Variants in ADH6 observed in about 807,000 individuals in gnomAD.
ADH6 encodes alcohol dehydrogenase 6 (class V).
ADH6 carries 34 observed loss-of-function variants against 36.5 expected under a neutral mutation model. The ratio of observed to expected loss-of-function variants is 0.93; its 90% confidence interval spans 0.71 to 1.24. ADH6 has a LOEUF of 1.24. ADH6 is among the 50% of genes most tolerant of loss of function. The pLI, the probability that ADH6 is intolerant of heterozygous loss-of-function variation, is 0.00. For missense variants in ADH6, 440 were observed against 447.0 expected (o/e 0.98, Z 0.14); for synonymous variants, 161 against 155.5 (o/e 1.04, Z -0.26).
At chr4:99,209,684 A>T (rs1429624348) in intron 5 of ADH6, among the ~76,000 whole-genome samples, 1 of 152,132 alleles carries the variant, frequency 6.6e-6, no homozygotes, top group Non-Finnish European at 1.5e-5. Context: ...ATGCAATATA[A>T]TATTAGCTTC....
intron 1 of ADH6, among the ~76,000 whole-genome samples, chr4:99,218,275 C>T (rs759467174): frequency 4.6e-5 from 7 of 152,114 alleles, no homozygotes; most frequent in Admixed American, 6.5e-5. Flanking sequence ...AGCAGCCATG[C>T]GATGTGTTCA....
At chr4:99,215,028 A>G (rs28720139) in intron 2 of ADH6, among the ~76,000 whole-genome samples, 21,291 of 152,214 alleles carry the variant, frequency 0.14, 1,678 homozygotes, top group Non-Finnish European at 0.18. Flanking sequence ...ATTGCCTACC[A>G]TCACTTACTC....
chr4:99,211,296 C>T (rs561479375), intron 3 of ADH6, among the ~76,000 whole-genome samples: 34 of 152,126 alleles, frequency 2.2e-4, no homozygotes, highest in Admixed American at 6.5e-4. Flanking sequence ...GCACTGTAAC[C>T]CCTTTAAAAA....
intron 8 of ADH6, 93 bp from the exon 9 acceptor site, chr4:99,204,336 C>T: frequency 1.3e-6 from 2 of 1,526,720 alleles, no homozygotes; most frequent in Middle Eastern, 2.1e-4. Context: ...GAGCAGTAAA[C>T]TAGATTTTTT....
In ADH6 at chr4:99,202,985, T is replaced by G. The variant is rs1176321395; in HGVS notation, c.*1234A>C. On this transcript the variant is annotated 3_prime_UTR_variant, in exon 9 of 9. Coordinates refer to ENST00000394899, the MANE Select transcript of ADH6 (RefSeq NM_001102470.2). Reference sequence around the variant, plus strand: ...CCAACTCATAAGAATCAGACTGTTATGAGAGTCCTTTGATATCATGTGAAA... The same window carrying G: ...CCAACTCATAAGAATCAGACTGTTAGGAGAGTCCTTTGATATCATGTGAAA... 2.5e-6 allele frequency: 1 copy of G among 393,668 alleles called. No individual in the cohort carries two copies. Among genetic ancestry groups the G allele is most frequent in the East Asian group, 3.6e-5 (1 of 27,914 alleles). 24.4% of individuals were successfully genotyped at this position (393,668 alleles called of 1,614,324 possible). A position where few individuals can be genotyped will look rare whatever the true frequency, so the allele number is the denominator to read the frequency against.
chr4:99,213,938 A>G (rs1186491849), intron 2 of ADH6, among the ~76,000 whole-genome samples, 191 bp from the exon 3 acceptor site: 1 of 152,222 alleles, frequency 6.6e-6, no homozygotes, highest in East Asian at 1.9e-4. Flanking sequence ...TCATTAGCTG[A>G]TTTCAGAATC....
chr4:99,212,365 A>C (rs1731255248), intron 3 of ADH6, among the ~76,000 whole-genome samples: 1 of 152,040 alleles, frequency 6.6e-6, no homozygotes, highest in Admixed American at 6.6e-5. Flanking sequence ...TTTTATCGTA[A>C]ATTGACAAAT....
intron 2 of ADH6, among the ~76,000 whole-genome samples, chr4:99,214,251 G>T (rs1276494708): frequency 1.3e-5 from 2 of 152,086 alleles, no homozygotes; most frequent in Non-Finnish European, 2.9e-5. Context: ...AATTAGCCAG[G>T]CATGGTTGCA....
At position 99,204,035 on chromosome 4, in the gene ADH6, A is replaced by T; in HGVS notation, c.*184T>A. The T allele has an allele frequency of 1.6e-6, 1 of 626,582 alleles. No homozygotes were observed. Among genetic ancestry groups the T allele is most frequent in the Non-Finnish European group, 2.5e-6 (1 of 396,908 alleles). 38.8% of individuals were successfully genotyped at this position (626,582 alleles called of 1,614,324 possible). On this transcript the variant is annotated 3_prime_UTR_variant, in exon 9 of 9. Coordinates refer to ENST00000394899, the MANE Select transcript of ADH6 (RefSeq NM_001102470.2). The stretch of plus-strand genomic sequence containing the variant: ...GGCTGATCCTTGGTGACACTGGGTT[A>T]CGTAAGAACAATTTTGATGAAATGG...
chr4:99,204,846 CCTT>C lies in ADH6; in HGVS notation c.1103+76_1103+78del, dbSNP rs28720162. 1.0e-3 allele frequency: 1,535 copies of C among 1,499,684 alleles called. 17 individuals carry two copies. In the African/African-American group the frequency reaches 0.019, roughly 19 times the overall value. The allele number at this position is 1,499,684 out of a possible 1,614,324, so 92.9% of individuals were successfully genotyped here. ...ATACAGCTTCTGCAGCAGGGACGACCCTTCTTCTACTCCCAAGCCAATACACCC... is the reference window on the plus strand; with the variant it reads ...ATACAGCTTCTGCAGCAGGGACGACCCTTCTACTCCCAAGCCAATACACCC... On this transcript the variant is annotated intron_variant, in intron 8 of 8. Coordinates refer to ENST00000394899, the MANE Select transcript of ADH6 (RefSeq NM_001102470.2).
chr4:99,209,340 T>A (rs1219916100), intron 5 of ADH6, among the ~76,000 whole-genome samples: 3 of 152,106 alleles, frequency 2.0e-5, no homozygotes, highest in African/African-American at 7.2e-5. Context: ...TCATAACTTA[T>A]CGGGTCAATA....
intron 2 of ADH6, among the ~76,000 whole-genome samples, chr4:99,214,437 G>A (rs1004343728): frequency 1.3e-5 from 2 of 152,014 alleles, no homozygotes; most frequent in Non-Finnish European, 2.9e-5. Flanking sequence ...GGAGGCAAAG[G>A]AATAATGTTT....
intron 1 of ADH6, among the ~76,000 whole-genome samples, chr4:99,217,129 G>C (rs1240603965): frequency 6.6e-6 from 1 of 152,044 alleles, no homozygotes; most frequent in East Asian, 1.9e-4. Context: ...TCCGCCTTCC[G>C]GGTTCATGCC....
chr4:99,218,179 A>G (rs546420677), intron 1 of ADH6, among the ~76,000 whole-genome samples: 1 of 152,190 alleles, frequency 6.6e-6, no homozygotes, highest in South Asian at 2.1e-4. Flanking sequence ...ACATATCATT[A>G]TTTCTTCTTC....
chr4:99,202,791 C>G lies in ADH6; in HGVS notation c.*1428G>C. The G allele has an allele frequency of 2.5e-6, 1 of 398,102 alleles. No homozygotes were observed. The highest frequency in any genetic ancestry group is 4.4e-6 in the Non-Finnish European group (1 of 225,710). The allele number at this position is 398,102 out of a possible 1,614,324, so 24.7% of individuals were successfully genotyped here. On this transcript the variant is annotated 3_prime_UTR_variant, in exon 9 of 9. Transcript: ENST00000394899. Reference sequence around the variant, plus strand: ...ATTTGGGGGCAGAACAGGAACATGCCTTAGCTGCTGTCAGGAAATAGAAGA... The same window carrying G: ...ATTTGGGGGCAGAACAGGAACATGCGTTAGCTGCTGTCAGGAAATAGAAGA...
At chr4:99,218,296 T>C (rs771952394) in intron 1 of ADH6, among the ~76,000 whole-genome samples, 2 of 152,188 alleles carry the variant, frequency 1.3e-5, no homozygotes, top group South Asian at 2.1e-4. Context: ...CTCACCCAAG[T>C]AGAAACCTGG....
intron 2 of ADH6, among the ~76,000 whole-genome samples, chr4:99,215,071 C>G (rs1254345578): frequency 6.6e-6 from 1 of 152,186 alleles, no homozygotes; most frequent in Non-Finnish European, 1.5e-5. Flanking sequence ...TTCAAATTCA[C>G]TGGTGAGACA....
chr4:99,211,391 A>C (rs1368987927), intron 3 of ADH6, among the ~76,000 whole-genome samples: 2 of 152,144 alleles, frequency 1.3e-5, no homozygotes, highest in African/African-American at 4.8e-5. Flanking sequence ...ATTTTAGTAC[A>C]TATAGTGCTC....
chr4:99,205,677 G>A (rs762528861), intron 7 of ADH6, among the ~76,000 whole-genome samples: 15 of 152,056 alleles, frequency 9.9e-5, no homozygotes, highest in Middle Eastern at 3.2e-3. Flanking sequence ...CTCTATTCCC[G>A]TGATTTTCAA....
Sources: allele counts gnomAD v4.1 joint callset (sites outside exome capture counted in the v4.1 genomes callset), GRCh38; gene constraint gnomAD v4.1.1; transcripts MANE v1.5; gene names NCBI Gene and HGNC (gene_info 2026-07-23, HGNC 2026-07-21).